Variants in METAP1 observed in about 807,000 individuals in gnomAD.
The protein encoded by METAP1 is methionyl aminopeptidase 1.
A neutral mutation model predicts 53.8 loss-of-function variants in METAP1; 28 were observed. That is an observed-to-expected ratio of 0.52 (90% CI 0.39 to 0.71). The LOEUF (loss-of-function observed/expected upper bound fraction) is 0.71. Among genes scored for constraint, METAP1 ranks in the 30% least tolerant of loss-of-function variants. The pLI, the probability that METAP1 is intolerant of heterozygous loss-of-function variation, is 0.00. For missense variants in METAP1, 389 were observed against 479.8 expected, an observed-to-expected ratio of 0.81 and a Z score of 1.77; for synonymous variants, 181 against 165.7, an observed-to-expected ratio of 1.09 and a Z score of -0.71.
chr4:99,002,940 G>T (rs1560690733), intron 1 of METAP1, among the ~76,000 whole-genome samples: 1 of 152,048 alleles, frequency 6.6e-6, no homozygotes, highest in Non-Finnish European at 1.5e-5. Flanking sequence ...GATGGTGCAT[G>T]CCTGTAATCC....
intron 1 of METAP1, among the ~76,000 whole-genome samples, chr4:99,021,654 T>C (rs1398360959): frequency 6.6e-6 from 1 of 152,058 alleles, no homozygotes; most frequent in African/African-American, 2.4e-5. Flanking sequence ...ACAGGGACAT[T>C]TATAACCTTT....
chr4:99,013,162 T>G lies in METAP1; in HGVS notation c.115-15705T>G, dbSNP rs190026587. Among the ~76,000 whole-genome samples the G allele has an allele frequency of 2.6e-3, 403 of 152,344 alleles. 4 individuals carry two copies. The highest frequency in any genetic ancestry group is 9.2e-3 in the African/African-American group (382 of 41,572). ...CACATATTTGTGGATTTTTCACATT[T>G]CTAACTTACCTATTTTTTTAAAACC... On this transcript the variant is annotated intron_variant, in intron 1 of 10. Coordinates refer to ENST00000296411, the MANE Select transcript of METAP1 (RefSeq NM_015143.3).
intron 9 of METAP1, among the ~76,000 whole-genome samples, chr4:99,050,923 T>C (rs1287736658): frequency 3.3e-5 from 5 of 152,198 alleles, no homozygotes; most frequent in Admixed American, 3.3e-4. Flanking sequence ...GCATCTAATG[T>C]GTGTCAATAA....
intron 1 of METAP1, chr4:99,026,106 C>T: frequency 2.4e-6 from 1 of 408,628 alleles, no homozygotes; most frequent in Non-Finnish European, 3.3e-6. Flanking sequence ...CACATGTTGT[C>T]AGTACTCCCT....
intron 1 of METAP1, chr4:99,005,738 TA>T: frequency 1.7e-5 from 7 of 415,178 alleles, no homozygotes; most frequent in Admixed American, 2.9e-5. Context: ...CCCCAGCCAT[TA>T]AAAAAAGAAT....
intron 2 of METAP1, 24 bp downstream of exon 2, chr4:99,028,942 CA>C: frequency 6.7e-7 from 1 of 1,482,262 alleles, no homozygotes; most frequent in Non-Finnish European, 9.2e-7. Context: ...CAAATTTTTA[CA>C]CCATTTGTCT....
Position 99,034,120 on chromosome 4 carries a change from T to C in METAP1, c.167-110T>C, listed in dbSNP as rs951610366. 1.7e-5 allele frequency: 12 copies of C among 689,698 alleles called. No homozygotes were observed. In the East Asian group the frequency reaches 2.0e-4, roughly 11 times the overall value. The allele number at this position is 689,698 out of a possible 1,614,324, so 42.7% of individuals were successfully genotyped here. On this transcript the variant is annotated intron_variant, in intron 2 of 10. Transcript: ENST00000296411. ...TTTGTGCCTGGACTTGTTGGCTTGG[T>C]TTTAAACAAGAGATATTCAAAGTAT...
At chr4:99,047,170 T>C (rs1726328933) in intron 8 of METAP1, among the ~76,000 whole-genome samples, 1 of 152,128 alleles carries the variant, frequency 6.6e-6, no homozygotes, top group African/African-American at 2.4e-5. Flanking sequence ...CTGTTGAAAT[T>C]AGGCTTCTTA....
intron 1 of METAP1, among the ~76,000 whole-genome samples, chr4:99,025,851 G>C (rs1724523283): frequency 6.6e-6 from 1 of 152,124 alleles, no homozygotes; most frequent in Admixed American, 6.5e-5. Flanking sequence ...TCATCTGCAT[G>C]GTAAAAACCT....
chr4:99,026,437 C>T (rs1014750570), intron 1 of METAP1: 6 of 985,320 alleles, frequency 6.1e-6, no homozygotes, highest in Non-Finnish European at 6.0e-6. Flanking sequence ...GCATTTGAAA[C>T]GACCTAATGG....
chr4:99,042,757 T>C (rs561474997), intron 6 of METAP1, among the ~76,000 whole-genome samples: 2 of 152,238 alleles, frequency 1.3e-5, no homozygotes, highest in South Asian at 4.1e-4. Flanking sequence ...TGTGGTAATA[T>C]TTATATATAT....
intron 10 of METAP1, among the ~76,000 whole-genome samples, chr4:99,060,518 C>G (rs1428565911): frequency 6.6e-6 from 1 of 152,028 alleles, no homozygotes; most frequent in African/African-American, 2.4e-5. Flanking sequence ...CGCCCAACAC[C>G]ATGCCCGGGT....
intron 1 of METAP1, among the ~76,000 whole-genome samples, chr4:99,020,593 C>A (rs554900567): frequency 4.6e-5 from 7 of 152,226 alleles, no homozygotes; most frequent in African/African-American, 1.7e-4. Context: ...TAGGGGATCC[C>A]ACTGGATATT....
At chr4:99,055,061 G>A (rs998700909) in intron 9 of METAP1, among the ~76,000 whole-genome samples, 3 of 151,922 alleles carry the variant, frequency 2.0e-5, no homozygotes, top group Non-Finnish European at 4.4e-5. Context: ...CTTGCTCAGA[G>A]CAGGGTTGCC....
At chr4:99,008,013 A>G (rs542229048) in intron 1 of METAP1, among the ~76,000 whole-genome samples, 5 of 152,332 alleles carry the variant, frequency 3.3e-5, no homozygotes, top group South Asian at 4.1e-4. Flanking sequence ...TTCAAGGAAT[A>G]TTGCTCATGT....
intron 1 of METAP1, among the ~76,000 whole-genome samples, chr4:99,012,268 A>T (rs1723512077): frequency 1.2e-5 from 1 of 85,850 alleles, no homozygotes; most frequent in Non-Finnish European, 2.2e-5. Context: ...TGTTAATGTG[A>T]GTTTTTTTTT....
intron 1 of METAP1, among the ~76,000 whole-genome samples, chr4:98,998,841 G>A (rs1433333063): frequency 6.7e-5 from 10 of 149,726 alleles, no homozygotes; most frequent in African/African-American, 2.2e-4. Flanking sequence ...ACGGAGTTTC[G>A]CTTTTGTTGC....
intron 9 of METAP1, among the ~76,000 whole-genome samples, chr4:99,055,749 C>T (rs1285150297): frequency 6.6e-6 from 1 of 152,198 alleles, no homozygotes; most frequent in African/African-American, 2.4e-5. Flanking sequence ...GCCAATGCTG[C>T]TGTTCTGGAC....
At chr4:99,044,409 C>T (rs1157251639) in intron 7 of METAP1, among the ~76,000 whole-genome samples, 1 of 152,080 alleles carries the variant, frequency 6.6e-6, no homozygotes, top group Admixed American at 6.6e-5. Flanking sequence ...ATTAGAATTG[C>T]TACTGCTTTA....
Sources: allele counts gnomAD v4.1 joint callset (sites outside exome capture counted in the v4.1 genomes callset), GRCh38; gene constraint gnomAD v4.1.1; transcripts MANE v1.5; gene names NCBI Gene and HGNC (gene_info 2026-07-23, HGNC 2026-07-21).